FBXO4: variants seen among roughly 807,000 people sequenced by gnomAD.
The protein encoded by FBXO4 is F-box only protein 4.
In FBXO4, 36 loss-of-function variants were observed where a neutral mutation model predicts 43.7. The ratio of observed to expected loss-of-function variants is 0.82; its 90% CI spans 0.63 to 1.09. The LOEUF is 1.09. FBXO4 is among the 50% of genes least tolerant of loss of function. FBXO4 has a pLI of 0.00. For synonymous variants in FBXO4, 180 were observed against 165.6 expected, an observed-to-expected ratio of 1.09 and a Z score of -0.67; for missense variants, 435 against 474.1, an observed-to-expected ratio of 0.92 and a Z score of 0.77.
chr5:42,031,793 C>T, the FBXO4 span, among the ~76,000 whole-genome samples: 1 of 151,832 alleles, frequency 6.6e-6, no homozygotes, highest in South Asian at 2.1e-4. Flanking sequence ...TTGTAGTCTT[C>T]ATCGTCTGGG....
intron 6 of FBXO4, among the ~76,000 whole-genome samples, chr5:41,940,156 GT>G (rs985892826): frequency 1.3e-5 from 2 of 148,902 alleles, no homozygotes; most frequent in African/African-American, 4.9e-5. Flanking sequence ...CAGCCAGGTT[GT>G]TTTTTTTTAG....
the FBXO4 span, among the ~76,000 whole-genome samples, chr5:41,970,289 C>T: frequency 6.6e-5 from 10 of 152,026 alleles, no homozygotes; most frequent in South Asian, 2.1e-3. Flanking sequence ...ATATCTTTAC[C>T]TTGGCTAGAT....
At chr5:41,955,898 A>C in the FBXO4 span, among the ~76,000 whole-genome samples, 1 of 152,216 alleles carries the variant, frequency 6.6e-6, no homozygotes, top group East Asian at 1.9e-4. Flanking sequence ...CCTCGGTAGT[A>C]GAAAAATCAA....
chr5:42,038,900 T>C, the FBXO4 span, among the ~76,000 whole-genome samples: 1 of 152,122 alleles, frequency 6.6e-6, no homozygotes. Context: ...TCACTTAACG[T>C]GATGTCTTCT....
At chr5:41,925,649 G>T in intron 1 of FBXO4, 151 bp downstream of exon 1, 1 of 529,378 alleles carries the variant, frequency 1.9e-6, no homozygotes, top group South Asian at 8.7e-5. Context: ...TAGTCACCGA[G>T]AAGCTACAGT....
chr5:41,980,651 G>T, the FBXO4 span, among the ~76,000 whole-genome samples: 641 of 150,674 alleles, frequency 4.3e-3, 2 homozygotes, highest in Admixed American at 0.01. Flanking sequence ...CGTTTTATGG[G>T]TTTTTTTTTG....
At chr5:42,037,744 G>T in the FBXO4 span, among the ~76,000 whole-genome samples, 1 of 152,052 alleles carries the variant, frequency 6.6e-6, no homozygotes, top group Non-Finnish European at 1.5e-5. Context: ...ACTCAGCAAA[G>T]AATGTAGTTT....
chr5:42,031,847 G>A, the FBXO4 span, among the ~76,000 whole-genome samples: 2 of 151,790 alleles, frequency 1.3e-5, no homozygotes, highest in Non-Finnish European at 2.9e-5. Flanking sequence ...CTAGATATTC[G>A]GTAAGACTTG....
At chr5:42,006,914 A>ATATATATATG in the FBXO4 span, among the ~76,000 whole-genome samples, 52 of 141,488 alleles carry the variant, frequency 3.7e-4, 2 homozygotes, top group African/African-American at 1.4e-3. Context: ...ATATATATAT[A>ATATATATATG]TATGTATATA....
chr5:41,925,732 G>A (rs987936033), intron 1 of FBXO4, among the ~76,000 whole-genome samples: 5 of 152,028 alleles, frequency 3.3e-5, no homozygotes, highest in Admixed American at 3.3e-4. Flanking sequence ...GCACCTTCAT[G>A]GGGCCCCTGG....
At position 41,925,309 on chromosome 5, in the gene FBXO4, C is replaced by A; in HGVS notation, c.-1C>A. 7.5e-7 allele frequency: 1 copy of A among 1,337,824 alleles called. No individual in the cohort carries two copies. The highest frequency in any genetic ancestry group is 4.1e-5 in the Admixed American group (1 of 24,644). The allele number at this position is 1,337,824 out of a possible 1,614,324, so 82.9% of individuals were successfully genotyped here. A position where few individuals can be genotyped will look rare whatever the true frequency, so the allele number is the denominator to read the frequency against. On this transcript the variant is annotated 5_prime_UTR_variant, in exon 1 of 7. Coordinates refer to ENST00000281623, the MANE Select transcript of FBXO4 (RefSeq NM_012176.3). Reference sequence around the variant, plus strand: ...CGCGTCACCCACGCTGCGGGCAAGCCATGGCGGGAAGCGAGCCGCGCAGCG... The same window carrying A: ...CGCGTCACCCACGCTGCGGGCAAGCAATGGCGGGAAGCGAGCCGCGCAGCG...
chr5:41,990,806 C>T, the FBXO4 span, among the ~76,000 whole-genome samples: 1 of 152,106 alleles, frequency 6.6e-6, no homozygotes, highest in Non-Finnish European at 1.5e-5. Context: ...TTTGGACTTA[C>T]TAATTTTAAT....
At chr5:42,002,069 C>T in the FBXO4 span, among the ~76,000 whole-genome samples, 10 of 152,224 alleles carry the variant, frequency 6.6e-5, no homozygotes, top group African/African-American at 2.4e-4. Context: ...ATTTTGTATC[C>T]TGCAATTTTA....
At chr5:42,028,787 A>T in the FBXO4 span, among the ~76,000 whole-genome samples, 1 of 151,836 alleles carries the variant, frequency 6.6e-6, no homozygotes, top group Non-Finnish European at 1.5e-5. Flanking sequence ...CATAGTTTGC[A>T]TAAACAAACA....
the FBXO4 span, among the ~76,000 whole-genome samples, chr5:41,962,368 T>C: frequency 6.6e-5 from 10 of 152,302 alleles, no homozygotes; most frequent in African/African-American, 2.4e-4. Flanking sequence ...TGCCTTAGCT[T>C]CCACCAAAAT....
the FBXO4 span, among the ~76,000 whole-genome samples, chr5:42,005,298 C>T: frequency 6.6e-6 from 1 of 152,082 alleles, no homozygotes; most frequent in East Asian, 1.9e-4. Context: ...ACTTTATTTG[C>T]TTCATAAGTA....
At chr5:41,964,378 C>G in the FBXO4 span, among the ~76,000 whole-genome samples, 2 of 151,780 alleles carry the variant, frequency 1.3e-5, no homozygotes, top group African/African-American at 4.8e-5. Flanking sequence ...AGTGATTTCT[C>G]TTTTTTTCAT....
At chr5:41,970,489 A>C in the FBXO4 span, among the ~76,000 whole-genome samples, 795 of 152,126 alleles carry the variant, frequency 5.2e-3, 10 homozygotes, top group African/African-American at 0.018. Flanking sequence ...GGCCCAAATG[A>C]TATTATTAGA....
chr5:41,931,214 T>G (rs1751677421), intron 3 of FBXO4, among the ~76,000 whole-genome samples: 1 of 152,210 alleles, frequency 6.6e-6, no homozygotes, highest in South Asian at 2.1e-4. Flanking sequence ...CACTGTAATG[T>G]TATGATTAAA....
Sources: allele counts gnomAD v4.1 joint callset (sites outside exome capture counted in the v4.1 genomes callset), GRCh38; gene constraint gnomAD v4.1.1; transcripts MANE v1.5; gene names NCBI Gene and HGNC (gene_info 2026-07-23, HGNC 2026-07-21).